The following EDC3 variants were observed in gnomAD, a reference collection of about 807,000 sequenced individuals.
The protein encoded by EDC3 is enhancer of mRNA decapping 3.
EDC3 carries 20 observed loss-of-function variants against 41.8 expected under a neutral mutation model. That is an observed-to-expected ratio of 0.48 (90% CI 0.34 to 0.70). EDC3 has a LOEUF of 0.70. EDC3 is among the 30% of genes least tolerant of loss of function. The pLI, the probability that EDC3 is intolerant of heterozygous loss-of-function variation, is 0.01. For synonymous variants in EDC3, 206 were observed against 243.2 expected (o/e 0.85, Z 1.42); for missense variants, 444 against 636.8 (o/e 0.70, Z 3.26).
At position 74,653,181 on chromosome 15, in the gene EDC3, T is replaced by C. The variant is rs1400215866; in HGVS notation, c.820+2552A>G. On this transcript the variant is annotated intron_variant, in intron 4 of 6. Coordinates refer to ENST00000315127, the MANE Select transcript of EDC3 (RefSeq NM_025083.5). ...CAGCCTGGATGACAAAACAAGACTC[T>C]GTCTCCAAAAAAAAAAAAAAAACCT... Among the ~76,000 whole-genome samples, 32 of 147,094 alleles carry C rather than the reference T, an allele frequency of 2.2e-4. No individual in the cohort carries two copies. The East Asian group carries it at 3.4e-3, about 16-fold the overall frequency.
At chr15:74,685,070 A>G (rs1007385638) in intron 1 of EDC3, among the ~76,000 whole-genome samples, 8 of 152,088 alleles carry the variant, frequency 5.3e-5, no homozygotes, top group African/African-American at 1.9e-4. Flanking sequence ...TCTCAAAATC[A>G]ATCACTATAT....
Position 74,671,622 on chromosome 15 carries a change from T to A in EDC3, c.317A>T (p.Lys106Met). Residue 106 changes from lysine (K) to methionine (M), a missense_variant, in exon 3 of 7, where the codon AAG (lysine) becomes ATG (methionine). Physicochemically the swap from Lys to Met is moderately conservative, Grantham distance 95. Transcript: ENST00000315127. This position sits in a 1 kb window ranked among gnomAD's most constrained non-coding sequence, Gnocchi z 4.6. ...NQNGTGKFVK[K>M]PASSSSAPQN... is the part of the protein sequence containing the mutation. ...AGGGGCACTGCTGGAAGAGGCTGGC[T>A]TCTTGACAAACTTGCCTGTGCCATT... 3 of 1,614,170 alleles carry A rather than the reference T, an allele frequency of 1.9e-6. No individual in the cohort carries two copies. The highest frequency in any genetic ancestry group is 2.5e-6 in the Non-Finnish European group (3 of 1,180,028).
At chr15:74,672,101 A>T (rs2062745715) in intron 2 of EDC3, among the ~76,000 whole-genome samples, 1 of 131,526 alleles carries the variant, frequency 7.6e-6, no homozygotes, top group Admixed American at 8.2e-5. Flanking sequence ...CTCTACTAAA[A>T]ATACAAAAAA....
At position 74,632,400 on chromosome 15, in the gene EDC3, T is replaced by C; in HGVS notation, c.*212A>G. ...AGAGATGCCTGGAGTTGCTGCACGC[T>C]CAGCCTGCCACCCAGCCCGGAACCC... is the stretch of plus-strand genomic sequence containing the variant. On this transcript the variant is annotated 3_prime_UTR_variant, in exon 7 of 7. Coordinates refer to ENST00000315127, the MANE Select transcript of EDC3 (RefSeq NM_025083.5). This position sits in a 1 kb window ranked among gnomAD's most constrained non-coding sequence, Gnocchi z 4.0. The C allele has an allele frequency of 3.2e-6, 2 of 621,410 alleles. No homozygotes were observed. Among genetic ancestry groups the C allele is most frequent in the Non-Finnish European group, 5.5e-6 (2 of 361,056 alleles). 38.5% of individuals were successfully genotyped at this position (621,410 alleles called of 1,614,324 possible).
intron 4 of EDC3, among the ~76,000 whole-genome samples, chr15:74,648,469 C>T (rs1014372666): frequency 6.6e-6 from 1 of 152,154 alleles, no homozygotes; most frequent in East Asian, 1.9e-4. Context: ...AAGACTTAGC[C>T]GGCCAGCGTG....
At chr15:74,684,185 A>C (rs1014436679) in intron 1 of EDC3, among the ~76,000 whole-genome samples, 1 of 139,650 alleles carries the variant, frequency 7.2e-6, no homozygotes, top group African/African-American at 2.7e-5. Context: ...CTATAGGTGT[A>C]TGCTACCATG....
intron 2 of EDC3, among the ~76,000 whole-genome samples, chr15:74,672,553 T>C (rs1229297950): frequency 6.6e-6 from 1 of 151,860 alleles, no homozygotes; most frequent in Non-Finnish European, 1.5e-5. Flanking sequence ...CCATGGCTCA[T>C]GCCTATAATC....
At chr15:74,639,489 G>C (rs2062319675) in intron 5 of EDC3, 1 of 152,254 alleles carries the variant, frequency 6.6e-6, no homozygotes, top group African/African-American at 2.4e-5. Flanking sequence ...GAGGCACGCA[G>C]ATTACCTGAG....
At chr15:74,649,033 C>T (rs1403878719) in intron 4 of EDC3, among the ~76,000 whole-genome samples, 1 of 151,326 alleles carries the variant, frequency 6.6e-6, no homozygotes, top group African/African-American at 2.4e-5. Flanking sequence ...GCTGGGACCA[C>T]AGGCACATAC....
At chr15:74,674,837 A>G (rs893226560) in intron 2 of EDC3, 124 bp downstream of exon 2, 12 of 1,147,636 alleles carry the variant, frequency 1.0e-5, no homozygotes, top group Non-Finnish European at 1.5e-5. Flanking sequence ...CAACACAGTG[A>G]AACCCCATCT....
chr15:74,695,275 CCA>C (rs1285992714), intron 1 of EDC3: 1 of 152,158 alleles, frequency 6.6e-6, no homozygotes, highest in African/African-American at 2.4e-5. Context: ...ACTATGCCTC[CCA>C]CAAACCAAAA....
chr15:74,665,603 G>C (rs1409403082), intron 3 of EDC3, among the ~76,000 whole-genome samples: 2 of 152,014 alleles, frequency 1.3e-5, no homozygotes, highest in Admixed American at 1.3e-4. Flanking sequence ...ATTCTGAATG[G>C]TCACAGAAAA....
rs79707513 is a variant in EDC3, at chr15:74,668,071, C to T, written c.484+3384G>A. ...AATGGTACTTTACCTCTGTTGTCTT[C>T]CACCCCCAAACATATAACCCCAGTC... is the stretch of plus-strand genomic sequence containing the variant. On this transcript the variant is annotated intron_variant, in intron 3 of 6. Coordinates refer to ENST00000315127, the MANE Select transcript of EDC3 (RefSeq NM_025083.5). Among the ~76,000 whole-genome samples, 908 of 152,266 alleles carry T rather than the reference C, an allele frequency of 6.0e-3. 4 individuals carry two copies. The highest frequency in any genetic ancestry group is 0.01 in the Non-Finnish European group (713 of 68,008).
At chr15:74,688,277 C>T (rs568989187) in intron 1 of EDC3, among the ~76,000 whole-genome samples, 1 of 152,192 alleles carries the variant, frequency 6.6e-6, no homozygotes, top group Non-Finnish European at 1.5e-5. Context: ...AACACCTCCA[C>T]GTCAAAAGAA....
At position 74,643,924 on chromosome 15, in the gene EDC3, C is replaced by T. The variant is rs2062383201; in HGVS notation, c.821-3305G>A. 6 of 152,278 alleles carry T rather than the reference C, an allele frequency of 3.9e-5. No individual in the cohort carries two copies. In the South Asian group the frequency reaches 1.2e-3, roughly 32 times the overall value. The allele number at this position is 152,278 out of a possible 1,614,324, so 9.4% of individuals were successfully genotyped here. Reference sequence around the variant, plus strand: ...TTCTCCAGGACTATGACTTCTGATTCTCTTCTGTGGCAGTCAACAAAACTG... The same window carrying T: ...TTCTCCAGGACTATGACTTCTGATTTTCTTCTGTGGCAGTCAACAAAACTG... On this transcript the variant is annotated intron_variant, in intron 4 of 6. Coordinates refer to ENST00000315127, the MANE Select transcript of EDC3 (RefSeq NM_025083.5).
At chr15:74,682,553 G>A (rs2062883413) in intron 1 of EDC3, among the ~76,000 whole-genome samples, 1 of 148,180 alleles carries the variant, frequency 6.7e-6, no homozygotes, top group Admixed American at 6.9e-5. Flanking sequence ...AAGAGGTGGA[G>A]CTTGCAGTGA....
chr15:74,637,442 C>CG (rs1391830517), intron 5 of EDC3: 1 of 152,218 alleles, frequency 6.6e-6, no homozygotes, highest in African/African-American at 2.4e-5. Flanking sequence ...ACCAGACACA[C>CG]GGGCCTGATG....
chr15:74,635,935 G>T, intron 5 of EDC3: 1 of 364,796 alleles, frequency 2.7e-6, no homozygotes. Flanking sequence ...TAGTTCCTCT[G>T]CAGCCTTGTC....
At chr15:74,681,555 C>T (rs1004210742) in intron 1 of EDC3, among the ~76,000 whole-genome samples, 2 of 152,146 alleles carry the variant, frequency 1.3e-5, no homozygotes, top group Non-Finnish European at 2.9e-5. Context: ...GAGGGACAAA[C>T]ATGTAAATCG....
Sources: allele counts gnomAD v4.1 joint callset (sites outside exome capture counted in the v4.1 genomes callset), GRCh38; gene constraint gnomAD v4.1.1; non-coding constraint Gnocchi (gnomAD v3.1); transcripts MANE v1.5; gene names NCBI Gene and HGNC (gene_info 2026-07-23, HGNC 2026-07-21).